The following NR3C1 variants were observed in gnomAD, a reference collection of about 807,000 sequenced individuals.
NR3C1 encodes nuclear receptor subfamily 3 group C member 1.
In NR3C1, 14 loss-of-function variants were observed where a neutral mutation model predicts 74.0. The ratio of observed to expected loss-of-function variants is 0.19; its 90% confidence interval spans 0.12 to 0.30. The LOEUF is 0.30. Among genes scored for constraint, NR3C1 ranks in the 10% least tolerant of loss-of-function variants. The pLI, the probability that NR3C1 is intolerant of heterozygous loss-of-function variation, is 1.00. For missense variants in NR3C1, 695 were observed against 909.8 expected (o/e 0.76, Z 3.04); for synonymous variants, 308 against 332.5 (o/e 0.93, Z 0.80).
rs10482712 is a variant in NR3C1, at chr5:143,279,117, T to C, written c.*2772A>G. ...TTGGGATGGCCAGATAACACATACATAGGAAATAAATCTGCTTTCAAACAG... is the reference window on the plus strand; with the variant it reads ...TTGGGATGGCCAGATAACACATACACAGGAAATAAATCTGCTTTCAAACAG... On this transcript the variant is annotated 3_prime_UTR_variant, in exon 9 of 9. Coordinates refer to ENST00000394464, the MANE Select transcript of NR3C1 (RefSeq NM_000176.3). 2.1e-6 allele frequency: 1 copy of C among 481,124 alleles called. No homozygotes were observed. Among genetic ancestry groups the C allele is most frequent in the African/African-American group, 2.1e-5 (1 of 48,462 alleles). The allele number at this position is 481,124 out of a possible 1,614,324, so 29.8% of individuals were successfully genotyped here.
At chr5:143,404,390 G>GT (rs1840918866), upstream of NR3C1, 10 of 985,520 alleles carry the variant, frequency 1.0e-5, no homozygotes, top group South Asian at 4.7e-4. Flanking sequence ...GGCCCGGGGG[G>GT]AGTCGCGTGC....
intron 7 of NR3C1, among the ~76,000 whole-genome samples, chr5:143,294,581 TGTA>T (rs1295895219): frequency 6.6e-6 from 1 of 152,194 alleles, no homozygotes; most frequent in Non-Finnish European, 1.5e-5. Flanking sequence ...TTTCCACCAT[TGTA>T]GTATCATACG....
chr5:143,423,350 A>G (rs1303925747), intron 1 of NR3C1, among the ~76,000 whole-genome samples: 2 of 152,224 alleles, frequency 1.3e-5, no homozygotes, highest in Non-Finnish European at 2.9e-5. Context: ...ATGGCCAAAA[A>G]TACTCAACAT....
intron 1 of NR3C1, 118 bp from the exon 2 acceptor site, chr5:143,400,970 T>A (rs1307483382): frequency 2.5e-6 from 2 of 792,082 alleles, no homozygotes; most frequent in East Asian, 2.7e-5. Context: ...TAACTCCGAA[T>A]CAAATTCTTT....
At chr5:143,383,236 A>T (rs1448750652) in intron 2 of NR3C1, among the ~76,000 whole-genome samples, 1 of 152,220 alleles carries the variant, frequency 6.6e-6, no homozygotes, top group Non-Finnish European at 1.5e-5. Context: ...GTAACTGCTC[A>T]ATAAAAGTGC....
At chr5:143,404,193 G>C (rs72557314), upstream of NR3C1, 8 of 985,386 alleles carry the variant, frequency 8.1e-6, no homozygotes, top group East Asian at 7.9e-4. Context: ...TGAGCTGCGT[G>C]AGTGGCCCGC....
chr5:143,324,696 G>C (rs548339950), intron 2 of NR3C1, among the ~76,000 whole-genome samples: 1 of 152,142 alleles, frequency 6.6e-6, no homozygotes, highest in Non-Finnish European at 1.5e-5. Flanking sequence ...TGCATTGTCA[G>C]GCTGCAAATT....
intron 2 of NR3C1, chr5:143,375,942 T>G (rs1016714503): frequency 6.6e-6 from 1 of 152,216 alleles, no homozygotes; most frequent in African/African-American, 2.4e-5. Context: ...TTTCAAAAAT[T>G]TTCATGAACC....
chr5:143,394,528 A>G (rs1354872939), intron 2 of NR3C1, among the ~76,000 whole-genome samples: 1 of 152,038 alleles, frequency 6.6e-6, no homozygotes, highest in Non-Finnish European at 1.5e-5. Context: ...CAACATTAAG[A>G]CATTAGGTCG....
At chr5:143,322,466 T>G (rs532011086) in intron 2 of NR3C1, among the ~76,000 whole-genome samples, 1 of 152,300 alleles carries the variant, frequency 6.6e-6, no homozygotes, top group South Asian at 2.1e-4. Context: ...TGTGCCTGCC[T>G]CCAATCATGA....
intron 2 of NR3C1, among the ~76,000 whole-genome samples, chr5:143,329,290 A>T (rs1292133605): frequency 6.6e-6 from 1 of 152,148 alleles, no homozygotes; most frequent in African/African-American, 2.4e-5. Flanking sequence ...CTATCACGAG[A>T]ACAGCATGGA....
At chr5:143,424,561 T>C (rs943961605) in intron 1 of NR3C1, among the ~76,000 whole-genome samples, 7 of 152,316 alleles carry the variant, frequency 4.6e-5, no homozygotes, top group Non-Finnish European at 7.4e-5. Context: ...TATATACTTA[T>C]GGTCTTAAGC....
At chr5:143,332,114 T>C (rs1259732828) in intron 2 of NR3C1, among the ~76,000 whole-genome samples, 1 of 152,224 alleles carries the variant, frequency 6.6e-6, no homozygotes, top group Non-Finnish European at 1.5e-5. Context: ...CATTAATTTG[T>C]AGCATAAATA....
intron 4 of NR3C1, among the ~76,000 whole-genome samples, chr5:143,305,628 T>G (rs1599802329): frequency 6.6e-6 from 1 of 152,232 alleles, no homozygotes; most frequent in South Asian, 2.1e-4. Flanking sequence ...GTATCCTACA[T>G]GAACTAATGC....
chr5:143,409,607 T>C (rs1841229013), intron 1 of NR3C1, among the ~76,000 whole-genome samples: 1 of 152,228 alleles, frequency 6.6e-6, no homozygotes, highest in Non-Finnish European at 1.5e-5. Flanking sequence ...TGGAAAATAC[T>C]TCTATTCCTA....
At chr5:143,402,975 T>G (rs1490357284) in intron 1 of NR3C1, among the ~76,000 whole-genome samples, 12 of 150,256 alleles carry the variant, frequency 8.0e-5, no homozygotes, top group African/African-American at 2.5e-4. Context: ...CGAGGTCAGG[T>G]TCCTCCCCCT....
At position 143,403,613 on chromosome 5, in the gene NR3C1, G is replaced by C; in HGVS notation, c.-416C>G. On this transcript the variant is annotated 5_prime_UTR_variant, in exon 1 of 9. Transcript: ENST00000394464. ...GGAGGAGGCGGCGGCGGAGGGAAGA[G>C]AGCGCGGACACGCGAAAGGGCAGCC... The C allele has an allele frequency of 1.0e-6, 1 of 986,576 alleles. No homozygotes were observed. Among genetic ancestry groups the C allele is most frequent in the Non-Finnish European group, 1.2e-6 (1 of 830,908 alleles). 61.1% of individuals were successfully genotyped at this position (986,576 alleles called of 1,614,324 possible).
intron 6 of NR3C1, among the ~76,000 whole-genome samples, chr5:143,295,985 A>AT (rs1052936310): frequency 1.3e-5 from 2 of 152,236 alleles, no homozygotes; most frequent in African/African-American, 4.8e-5. Context: ...TTAAAGGTAA[A>AT]TTTTTTCACA....
chr5:143,402,935 C>T, intron 1 of NR3C1: 2 of 812,880 alleles, frequency 2.5e-6, no homozygotes, highest in South Asian at 1.1e-4. Flanking sequence ...TCGAAGCCCC[C>T]GGCAGTTCGA....
Sources: allele counts gnomAD v4.1 joint callset (sites outside exome capture counted in the v4.1 genomes callset), GRCh38; gene constraint gnomAD v4.1.1; transcripts MANE v1.5; gene names NCBI Gene and HGNC (gene_info 2026-07-23, HGNC 2026-07-21).